The following ITPR2 variants were observed in gnomAD, a reference collection of about 807,000 sequenced individuals.
ITPR2 encodes inositol 1,4,5-trisphosphate-gated calcium channel ITPR2.
A neutral mutation model predicts 317.1 loss-of-function variants in ITPR2; 207 were observed. That is an observed-to-expected ratio of 0.65 (90% CI 0.58 to 0.73). The LOEUF is 0.73. Ranked by LOEUF, ITPR2 falls within the 30% of genes least tolerant of loss-of-function variation. The pLI, the probability that ITPR2 is intolerant of heterozygous loss-of-function variation, is 0.00. For synonymous variants in ITPR2, 1,156 were observed against 1,149.1 expected, an observed-to-expected ratio of 1.01 and a Z score of -0.12; for missense variants, 2,613 against 3,284.0, an observed-to-expected ratio of 0.80 and a Z score of 4.99.
At chr12:26,345,600 A>G (rs753787168) in intron 55 of ITPR2, among the ~76,000 whole-genome samples, 6 of 152,340 alleles carry the variant, frequency 3.9e-5, no homozygotes, top group Non-Finnish European at 7.4e-5. Context: ...GGATTACTGT[A>G]CATTCTTTTC....
intron 52 of ITPR2, among the ~76,000 whole-genome samples, chr12:26,404,006 A>G (rs529568114): frequency 6.6e-6 from 1 of 152,290 alleles, no homozygotes; most frequent in South Asian, 2.1e-4. Flanking sequence ...TAGGGGAGGA[A>G]ATATTCAAGG....
chr12:26,529,043 A>T (rs576539531), intron 37 of ITPR2, among the ~76,000 whole-genome samples: 7 of 152,142 alleles, frequency 4.6e-5, no homozygotes, highest in African/African-American at 1.7e-4. Flanking sequence ...CTGTCACCCT[A>T]CTCTAAGCCT....
At chr12:26,816,910 T>C (rs1448531798) in intron 1 of ITPR2, among the ~76,000 whole-genome samples, 1 of 151,646 alleles carries the variant, frequency 6.6e-6, no homozygotes, top group Non-Finnish European at 1.5e-5. Flanking sequence ...AATGTCTGTG[T>C]AACTATAAAG....
chr12:26,369,289 T>C (rs74404062), intron 55 of ITPR2, among the ~76,000 whole-genome samples: 9,893 of 152,204 alleles, frequency 0.065, 456 homozygotes, highest in Non-Finnish European at 0.099. Context: ...TGTTTTAGAT[T>C]TTTTTCATTT....
rs1363995655 is a variant in ITPR2, at chr12:26,622,228, C to T, written c.3288+12G>A. 1 of 1,602,148 alleles carries T rather than the reference C, an allele frequency of 6.2e-7. No homozygotes were observed. Among genetic ancestry groups the T allele is most frequent in the South Asian group, 1.1e-5 (1 of 88,856 alleles). On this transcript the variant is annotated intron_variant, in intron 25 of 56. Transcript: ENST00000381340. The stretch of plus-strand genomic sequence containing the variant: ...TTTTGCTGTGGATGCATTGAGGGCT[C>T]TTCAATCTTACCTGCTTAAATGCCT...
rs1405170061 is a variant in ITPR2 at position 26,682,690 on chromosome 12, A to T, written c.1149-17T>A. The T allele has an allele frequency of 6.6e-7, 1 of 1,507,860 alleles. No homozygotes were observed. Among genetic ancestry groups the T allele is most frequent in the Non-Finnish European group, 9.2e-7 (1 of 1,092,466 alleles). 93.4% of individuals were successfully genotyped at this position (1,507,860 alleles called of 1,614,324 possible). ...TATGAGTTCCTAAAAGCAAAACAAT[A>T]TAAAAAAACAAATTATAAAAAATTA... On this transcript the variant is annotated splice_polypyrimidine_tract_variant and intron_variant, in intron 11 of 56. Transcript: ENST00000381340.
chr12:26,486,802 G>A, intron 40 of ITPR2: 1 of 625,776 alleles, frequency 1.6e-6, no homozygotes, highest in Non-Finnish European at 3.0e-6. Flanking sequence ...AAGATTTGGG[G>A]CAGTTACTAT....
chr12:26,773,419 G>A (rs1949905836), intron 2 of ITPR2, among the ~76,000 whole-genome samples: 1 of 152,172 alleles, frequency 6.6e-6, no homozygotes, highest in Non-Finnish European at 1.5e-5. Context: ...ACATGAGCCT[G>A]CAGCTCATGA....
chr12:26,517,834 T>C (rs967269895), intron 37 of ITPR2, among the ~76,000 whole-genome samples: 1 of 151,542 alleles, frequency 6.6e-6, no homozygotes, highest in Non-Finnish European at 1.5e-5. Flanking sequence ...CAAGACTCTG[T>C]ATCAAACAAA....
rs1465258729 is a variant in ITPR2 at position 26,716,064 on chromosome 12, G to A, written c.624+80C>T. The A allele has an allele frequency of 3.2e-6, 3 of 935,236 alleles. No homozygotes were observed. The African/African-American group carries it at 5.0e-5, about 15-fold the overall frequency. 57.9% of individuals were successfully genotyped at this position (935,236 alleles called of 1,614,324 possible). A position where few individuals can be genotyped will look rare whatever the true frequency, so the allele number is the denominator to read the frequency against. On this transcript the variant is annotated intron_variant, in intron 6 of 56. Coordinates refer to ENST00000381340, the MANE Select transcript of ITPR2 (RefSeq NM_002223.4). The stretch of plus-strand genomic sequence containing the variant: ...CTGGGATTATGCTCATGAAAACAAT[G>A]AAAGAAACTATATTACTTTTTTCTC...
chr12:26,766,264 T>A (rs1007560052), intron 2 of ITPR2, among the ~76,000 whole-genome samples: 1 of 152,124 alleles, frequency 6.6e-6, no homozygotes, highest in Non-Finnish European at 1.5e-5. Flanking sequence ...GGTCTCAATA[T>A]CTCCACATCC....
At chr12:26,762,949 T>A (rs1004219528) in intron 2 of ITPR2, among the ~76,000 whole-genome samples, 3 of 152,132 alleles carry the variant, frequency 2.0e-5, no homozygotes, top group Non-Finnish European at 2.9e-5. Context: ...GAAGTCACAC[T>A]GCTATCAGCT....
At chr12:26,435,711 T>TA (rs1434266895) in intron 48 of ITPR2, among the ~76,000 whole-genome samples, 11 of 152,228 alleles carry the variant, frequency 7.2e-5, no homozygotes, top group Admixed American at 6.5e-4. Flanking sequence ...TATATTGTCT[T>TA]ATGCTGTTCA....
intron 55 of ITPR2, among the ~76,000 whole-genome samples, chr12:26,370,403 G>A (rs75333894): frequency 0.022 from 3,286 of 152,198 alleles, 56 homozygotes; most frequent in Middle Eastern, 0.031. Flanking sequence ...GGATGGACCT[G>A]GGGAGAAATT....
chr12:26,551,130 GA>G (rs1944514980), intron 36 of ITPR2, among the ~76,000 whole-genome samples: 1 of 152,128 alleles, frequency 6.6e-6, no homozygotes, highest in Admixed American at 6.6e-5. Flanking sequence ...TTAAAAAGCT[GA>G]TCCTCAAAAT....
At chr12:26,706,594 T>A (rs1282339370) in intron 9 of ITPR2, among the ~76,000 whole-genome samples, 1 of 152,126 alleles carries the variant, frequency 6.6e-6, no homozygotes. Context: ...CCTGACCATT[T>A]CTTGCACATC....
intron 45 of ITPR2, among the ~76,000 whole-genome samples, chr12:26,448,962 T>G (rs1052848456): frequency 6.6e-6 from 1 of 152,134 alleles, no homozygotes; most frequent in African/African-American, 2.4e-5. Flanking sequence ...GATGACAGAG[T>G]TGGGCTTTTC....
At chr12:26,532,390 T>C (rs184509037) in intron 37 of ITPR2, among the ~76,000 whole-genome samples, 244 of 152,330 alleles carry the variant, frequency 1.6e-3, no homozygotes, top group African/African-American at 5.6e-3. Flanking sequence ...AAATATTTTT[T>C]CTTTTTTTGA....
intron 2 of ITPR2, among the ~76,000 whole-genome samples, chr12:26,751,636 G>A (rs1254468742): frequency 6.6e-6 from 1 of 152,176 alleles, no homozygotes; most frequent in Non-Finnish European, 1.5e-5. Context: ...TTGGGAGGCT[G>A]AGGGGGCGGA....
Sources: gnomAD v4.1 joint callset for allele counts (sites outside exome capture counted in the v4.1 genomes callset) on GRCh38, gnomAD v4.1.1 for gene constraint, MANE v1.5 for transcripts, NCBI Gene and HGNC (gene_info 2026-07-23, HGNC 2026-07-21) for gene names.